RAMP1: variants seen among roughly 807,000 people sequenced by gnomAD.
The protein encoded by RAMP1 is receptor activity modifying protein 1, also known as receptor activity-modifying protein 1.
Under a neutral mutation model 8.2 loss-of-function variants are expected in RAMP1, and 7 were observed. That is an observed-to-expected ratio of 0.85 (90% CI 0.49 to 1.60). RAMP1 has a LOEUF of 1.60. Ranked by LOEUF, RAMP1 falls within the 40% of genes most tolerant of loss-of-function variation. The pLI is 0.00. For synonymous variants in RAMP1, 92 were observed against 84.7 expected (o/e 1.09, Z -0.47); for missense variants, 192 against 202.4 (o/e 0.95, Z 0.31).
intron 1 of RAMP1, among the ~76,000 whole-genome samples, chr2:237,870,286 G>A (rs2062232031): frequency 6.6e-6 from 1 of 152,198 alleles, no homozygotes; most frequent in Admixed American, 6.5e-5. Flanking sequence ...ACCCTGGGCA[G>A]GCCATTTCCC....
Position 237,878,899 on chromosome 2 carries a change from A to G in RAMP1, c.191+1537A>G, listed in dbSNP as rs767336620. Among the ~76,000 whole-genome samples the G allele has an allele frequency of 6.6e-6, 1 of 152,258 alleles. No individual in the cohort carries two copies. The highest frequency in any genetic ancestry group is 1.5e-5 in the Non-Finnish European group (1 of 68,040). On this transcript the variant is annotated intron_variant, in intron 2 of 2. Coordinates refer to ENST00000254661, the MANE Select transcript of RAMP1 (RefSeq NM_005855.4). This position sits in a 1 kb window ranked among gnomAD's most constrained non-coding sequence, Gnocchi z 5.7. ...GTGGGAGGGCCAAAGTCACGGCTCCAGCCTCAAAGGCCCCTGATAAGACAC... is the reference window on the plus strand; with the variant it reads ...GTGGGAGGGCCAAAGTCACGGCTCCGGCCTCAAAGGCCCCTGATAAGACAC...
In RAMP1 at chr2:237,862,738, G is replaced by A. The variant is rs527649794; in HGVS notation, c.52+3011G>A. On this transcript the variant is annotated intron_variant, in intron 1 of 2. Coordinates refer to ENST00000254661, the MANE Select transcript of RAMP1 (RefSeq NM_005855.4). This position sits in a 1 kb window ranked among gnomAD's most constrained non-coding sequence, Gnocchi z 4.0. ...AGGCCTAGAACCCCTCTTTCCTGACGGTCTTTGTGGTATGGTGGGCTGGCC... is the reference window on the plus strand; with the variant it reads ...AGGCCTAGAACCCCTCTTTCCTGACAGTCTTTGTGGTATGGTGGGCTGGCC... 1.3e-5 allele frequency among the ~76,000 whole-genome samples: 2 copies of A among 152,140 alleles called. No individual in the cohort carries two copies. Among genetic ancestry groups the A allele is most frequent in the Non-Finnish European group, 2.9e-5 (2 of 68,026 alleles).
chr2:237,880,304 C>G (rs897927913), intron 2 of RAMP1, among the ~76,000 whole-genome samples: 14 of 152,314 alleles, frequency 9.2e-5, no homozygotes, highest in Admixed American at 4.6e-4. Flanking sequence ...TACTGGAGAG[C>G]CTTCACACTG....
chr2:237,883,190 G>A (rs2062389523), intron 2 of RAMP1, among the ~76,000 whole-genome samples: 1 of 152,150 alleles, frequency 6.6e-6, no homozygotes, highest in Non-Finnish European at 1.5e-5. Context: ...TGCCGCCCAA[G>A]GTCATAGCTG....
In RAMP1 at chr2:237,911,853, G is replaced by GCTTCTGGAGC. The variant is rs2062720002; in HGVS notation, c.*74_*83dup. 4.0e-6 allele frequency: 6 copies of GCTTCTGGAGC among 1,513,358 alleles called. No individual in the cohort carries two copies. The Admixed American group carries it at 1.2e-4, about 31-fold the overall frequency. 93.7% of individuals were successfully genotyped at this position (1,513,358 alleles called of 1,614,324 possible). On this transcript the variant is annotated 3_prime_UTR_variant, in exon 3 of 3. Transcript: ENST00000254661. ...GGCCAGGCAGGCCTGGGTAGGGGCAGCTTCTGGAGCCTTGGGACAGAGCAG... is the reference window on the plus strand; with the variant it reads ...GGCCAGGCAGGCCTGGGTAGGGGCAGCTTCTGGAGCCTTCTGGAGCCTTGGGACAGAGCAG...
rs532280454 is a variant in RAMP1, at chr2:237,862,008, G to GC, written c.52+2285dup. ...ACCAGGAAAGAAGGATGCGTTAGAAGCCCCTGGTTTTTCGAGTCCATCTTC... is the reference window on the plus strand; with the variant it reads ...ACCAGGAAAGAAGGATGCGTTAGAAGCCCCCTGGTTTTTCGAGTCCATCTTC... On this transcript the variant is annotated intron_variant, in intron 1 of 2. Coordinates refer to ENST00000254661, the MANE Select transcript of RAMP1 (RefSeq NM_005855.4). The surrounding 1 kb of genome is among the most constrained non-coding windows in gnomAD (Gnocchi z 4.0). Among the ~76,000 whole-genome samples the GC allele has an allele frequency of 6.6e-6, 1 of 152,184 alleles. No individual in the cohort carries two copies. The highest frequency in any genetic ancestry group is 2.1e-4 in the South Asian group (1 of 4,826).
rs2062722087 is a variant in RAMP1, at chr2:237,912,076, G to A, written c.*293G>A. Reference sequence around the variant, plus strand: ...ACCCCATAGCCACATTTGTGGATGAGTGGTTTGTGATTAAAAGGGATGTTC... The same window carrying A: ...ACCCCATAGCCACATTTGTGGATGAATGGTTTGTGATTAAAAGGGATGTTC... On this transcript the variant is annotated 3_prime_UTR_variant, in exon 3 of 3. Coordinates refer to ENST00000254661, the MANE Select transcript of RAMP1 (RefSeq NM_005855.4). 1 of 446,826 alleles carries A rather than the reference G, an allele frequency of 2.2e-6. No homozygotes were observed. The highest frequency in any genetic ancestry group is 1.9e-5 in the African/African-American group (1 of 51,602). 27.7% of individuals were successfully genotyped at this position (446,826 alleles called of 1,614,324 possible).
chr2:237,885,104 CCT>C (rs1227517704), intron 2 of RAMP1, among the ~76,000 whole-genome samples: 30 of 152,262 alleles, frequency 2.0e-4, no homozygotes, highest in Non-Finnish European at 3.5e-4. Context: ...CCTCCTGCTG[CCT>C]TCTTTGTGTC....
rs532505223 is a variant in RAMP1 at position 237,908,658 on chromosome 2, G to A, written c.192-2870G>A. ...TCACCATCTTGGCCAGGCTGGTCTT[G>A]AACTCCTGACCTTGTGATCCACCCG... On this transcript the variant is annotated intron_variant, in intron 2 of 2. Coordinates refer to ENST00000254661, the MANE Select transcript of RAMP1 (RefSeq NM_005855.4). 4.6e-5 allele frequency among the ~76,000 whole-genome samples: 7 copies of A among 152,184 alleles called. No homozygotes were observed. In the South Asian group the frequency reaches 6.2e-4, roughly 14 times the overall value.
intron 1 of RAMP1, among the ~76,000 whole-genome samples, chr2:237,861,937 T>G (rs1269133798): frequency 6.6e-6 from 1 of 152,068 alleles, no homozygotes; most frequent in Non-Finnish European, 1.5e-5. Context: ...AGACTCTACA[T>G]GCATTCTGAA....
At chr2:237,902,485 A>G (rs950338044) in intron 2 of RAMP1, among the ~76,000 whole-genome samples, 1 of 152,004 alleles carries the variant, frequency 6.6e-6, no homozygotes, top group Admixed American at 6.5e-5. Context: ...GGGGGAACAC[A>G]GCGAGGAGGA....
At chr2:237,863,446 G>T (rs143694812) in intron 1 of RAMP1, among the ~76,000 whole-genome samples, 118 of 152,322 alleles carry the variant, frequency 7.7e-4, no homozygotes, top group African/African-American at 2.8e-3. Flanking sequence ...AGGACTCTCA[G>T]CTGGGTGATG....
chr2:237,911,857 C>T lies in RAMP1; in HGVS notation c.*74C>T. On this transcript the variant is annotated 3_prime_UTR_variant, in exon 3 of 3. Transcript: ENST00000254661. ...AGGCAGGCCTGGGTAGGGGCAGCTT[C>T]TGGAGCCTTGGGACAGAGCAGGCCC... 1 of 1,510,686 alleles carries T rather than the reference C, an allele frequency of 6.6e-7. No individual in the cohort carries two copies. Among genetic ancestry groups the T allele is most frequent in the East Asian group, 2.5e-5 (1 of 40,502 alleles). 93.6% of individuals were successfully genotyped at this position (1,510,686 alleles called of 1,614,324 possible). A position where few individuals can be genotyped will look rare whatever the true frequency, so the allele number is the denominator to read the frequency against.
At position 237,862,328 on chromosome 2, in the gene RAMP1, C is replaced by G. The variant is rs1251031204; in HGVS notation, c.52+2601C>G. On this transcript the variant is annotated intron_variant, in intron 1 of 2. Transcript: ENST00000254661. This position sits in a 1 kb window ranked among gnomAD's most constrained non-coding sequence, Gnocchi z 4.0. ...TTAATCAACTCAGTGTGTTTGTTTA[C>G]CCTCTCTGTGTGTCTAGCTGCAGGA... Among the ~76,000 whole-genome samples the G allele has an allele frequency of 1.3e-5, 2 of 152,180 alleles. No individual in the cohort carries two copies. The highest frequency in any genetic ancestry group is 2.9e-5 in the Non-Finnish European group (2 of 68,036).
chr2:237,893,451 T>G (rs1225526780), intron 2 of RAMP1, among the ~76,000 whole-genome samples: 6 of 152,162 alleles, frequency 3.9e-5, no homozygotes, highest in Non-Finnish European at 8.8e-5. Context: ...ATAGCTGAGG[T>G]TTCCGGACAT....
At chr2:237,899,677 G>A (rs1033483276) in intron 2 of RAMP1, among the ~76,000 whole-genome samples, 9 of 152,248 alleles carry the variant, frequency 5.9e-5, no homozygotes, top group Admixed American at 1.3e-4. Context: ...TGTTCCGTCC[G>A]TGTGCGCATG....
chr2:237,860,491 C>G (rs756040390), intron 1 of RAMP1, among the ~76,000 whole-genome samples: 15 of 152,168 alleles, frequency 9.9e-5, no homozygotes, highest in Admixed American at 6.5e-5. Context: ...GCCACACACT[C>G]GGCAAGAAAC....
At chr2:237,880,131 T>C (rs1420702551) in intron 2 of RAMP1, among the ~76,000 whole-genome samples, 1 of 152,034 alleles carries the variant, frequency 6.6e-6, no homozygotes, top group Non-Finnish European at 1.5e-5. Flanking sequence ...CCCAGAGATG[T>C]CCATGCGTAA....
chr2:237,883,826 A>AAAAAG (rs1363012537), intron 2 of RAMP1, among the ~76,000 whole-genome samples: 1 of 149,592 alleles, frequency 6.7e-6, no homozygotes, highest in African/African-American at 2.5e-5. Context: ...CAAAAAAAAA[A>AAAAAG]AAAAGAAAAG....
Sources: gnomAD v4.1 joint callset for allele counts (sites outside exome capture counted in the v4.1 genomes callset) on GRCh38, gnomAD v4.1.1 for gene constraint, Gnocchi (gnomAD v3.1) non-coding constraint, MANE v1.5 for transcripts, NCBI Gene and HGNC (gene_info 2026-07-23, HGNC 2026-07-21) for gene names.